CUBN: variants seen among roughly 807,000 people sequenced by gnomAD.
CUBN encodes the protein cubilin.
Under a neutral mutation model 405.3 loss-of-function variants are expected in CUBN, and 282 were observed. The observed-to-expected ratio is 0.70, with a 90% confidence interval of 0.63 to 0.77. The LOEUF is 0.77. Ranked by LOEUF, CUBN falls within the 30% of genes least tolerant of loss-of-function variation. The probability of loss-of-function intolerance (pLI) is 0.00; values close to 1 mark genes in which losing one functional copy is unlikely to be tolerated. For missense variants in CUBN, 4,514 were observed against 4,475.2 expected, an observed-to-expected ratio of 1.01 and a Z score of -0.25; for synonymous variants, 1,684 against 1,617.0, an observed-to-expected ratio of 1.04 and a Z score of -0.99.
chr10:17,125,146 T>A (rs1285413990), intron 4 of CUBN, among the ~76,000 whole-genome samples: 1 of 152,120 alleles, frequency 6.6e-6, no homozygotes, highest in Non-Finnish European at 1.5e-5. Context: ...TCTCTGCTTT[T>A]AAAAAGTTAA....
Position 17,038,077 on chromosome 10 carries a change from T to G in CUBN, c.4017+2956A>C, listed in dbSNP as rs1434982860. On this transcript the variant is annotated intron_variant, in intron 27 of 66. Coordinates refer to ENST00000377833, the MANE Select transcript of CUBN (RefSeq NM_001081.4). ...CCTCAGCCTCCTGAGTAGCTGAGAT[T>G]ATAGGCCTGAGCCACCGTGCCCAGC... is the stretch of plus-strand genomic sequence containing the variant. Among the ~76,000 whole-genome samples, 4 of 152,240 alleles carry G rather than the reference T, an allele frequency of 2.6e-5. No homozygotes were observed. In the East Asian group the frequency reaches 7.7e-4, roughly 29 times the overall value.
At chr10:17,010,349 T>C (rs978053042) in intron 28 of CUBN, among the ~76,000 whole-genome samples, 1 of 152,134 alleles carries the variant, frequency 6.6e-6, no homozygotes, top group Non-Finnish European at 1.5e-5. Context: ...AGGTTGAATC[T>C]ACCCACTTGG....
At chr10:16,941,935 C>A (rs1037640349) in intron 36 of CUBN, among the ~76,000 whole-genome samples, 31 of 151,912 alleles carry the variant, frequency 2.0e-4, no homozygotes, top group Non-Finnish European at 4.1e-4. Flanking sequence ...TAGCAAGGGA[C>A]TCAAAGTTGA....
At chr10:17,010,421 G>C (rs7898460) in intron 28 of CUBN, among the ~76,000 whole-genome samples, 14 of 151,302 alleles carry the variant, frequency 9.3e-5, no homozygotes, top group African/African-American at 3.4e-4. Context: ...CAGGAGGACT[G>C]CTTGAGCTCA....
At chr10:16,890,583 A>T in intron 54 of CUBN, 56 bp from the exon 55 acceptor site, 1 of 1,587,090 alleles carries the variant, frequency 6.3e-7, no homozygotes, top group Non-Finnish European at 8.6e-7. Flanking sequence ...CAATATTTTA[A>T]TGCACTTAGG....
At chr10:16,875,540 G>A (rs1840472728) in intron 57 of CUBN, among the ~76,000 whole-genome samples, 1 of 152,154 alleles carries the variant, frequency 6.6e-6, no homozygotes, top group Non-Finnish European at 1.5e-5. Flanking sequence ...CCACCTTGCA[G>A]GGAGCACTCT....
intron 21 of CUBN, among the ~76,000 whole-genome samples, chr10:17,066,906 C>T (rs374341673): frequency 3.5e-4 from 53 of 152,134 alleles, no homozygotes; most frequent in South Asian, 3.1e-3. Flanking sequence ...ACGTATAAAA[C>T]AATGGCTCTC....
chr10:17,048,538 C>T (rs1045198965), intron 22 of CUBN, among the ~76,000 whole-genome samples: 8 of 151,890 alleles, frequency 5.3e-5, no homozygotes, highest in East Asian at 1.9e-4. Flanking sequence ...AGTGGAGTGG[C>T]GGGATCTTGG....
At chr10:16,985,307 C>T (rs1833385857) in intron 29 of CUBN, among the ~76,000 whole-genome samples, 1 of 152,330 alleles carries the variant, frequency 6.6e-6, no homozygotes, top group South Asian at 2.1e-4. Context: ...GAAGGAGCAT[C>T]TGAACGTTGA....
At chr10:17,097,862 T>C (rs1186716572) in intron 14 of CUBN, among the ~76,000 whole-genome samples, 2 of 152,054 alleles carry the variant, frequency 1.3e-5, no homozygotes, top group African/African-American at 2.4e-5. Flanking sequence ...GAACAAAAGG[T>C]GTGGGTTTTT....
At chr10:16,862,164 A>T (rs868795540) in intron 59 of CUBN, among the ~76,000 whole-genome samples, 3 of 128,836 alleles carry the variant, frequency 2.3e-5, no homozygotes, top group South Asian at 2.2e-4. Flanking sequence ...TCTCTCTCAC[A>T]CACACACACA....
At chr10:16,935,675 C>A (rs142120414) in intron 39 of CUBN, among the ~76,000 whole-genome samples, 1 of 151,778 alleles carries the variant, frequency 6.6e-6, no homozygotes, top group African/African-American at 2.4e-5. Context: ...GTCAGGAGAT[C>A]GAGACCATCC....
At chr10:16,901,975 G>GTA (rs1289617706) in intron 51 of CUBN, among the ~76,000 whole-genome samples, 9 of 119,240 alleles carry the variant, frequency 7.5e-5, no homozygotes, top group Admixed American at 3.5e-4. Context: ...TATATAGTGT[G>GTA]TATATATATA....
At chr10:16,844,263 C>T (rs1306704478) in intron 60 of CUBN, among the ~76,000 whole-genome samples, 2 of 95,512 alleles carry the variant, frequency 2.1e-5, no homozygotes, top group Admixed American at 2.5e-4. Context: ...GAGCGAAACT[C>T]TGTCCCCAAA....
intron 6 of CUBN, among the ~76,000 whole-genome samples, chr10:17,119,462 C>A (rs1272107102): frequency 6.6e-6 from 1 of 152,114 alleles, no homozygotes; most frequent in Non-Finnish European, 1.5e-5. Flanking sequence ...GAGTTTGAGA[C>A]CAGCCTGGCC....
chr10:16,931,079 A>AC (rs1405934052), intron 40 of CUBN, among the ~76,000 whole-genome samples: 3 of 150,828 alleles, frequency 2.0e-5, no homozygotes, highest in Non-Finnish European at 3.0e-5. Context: ...ACACAGTGAA[A>AC]CCCCACCTCT....
At chr10:16,898,295 A>C (rs1206964065) in intron 54 of CUBN, among the ~76,000 whole-genome samples, 1 of 152,132 alleles carries the variant, frequency 6.6e-6, no homozygotes, top group Non-Finnish European at 1.5e-5. Flanking sequence ...TGAAGAAGGA[A>C]TCATGCTCTT....
intron 15 of CUBN, among the ~76,000 whole-genome samples, chr10:17,087,228 C>A (rs1836129724): frequency 6.6e-6 from 1 of 152,090 alleles, no homozygotes; most frequent in Admixed American, 6.5e-5. Context: ...AAATACAGGA[C>A]AACCTGGGAA....
intron 51 of CUBN, among the ~76,000 whole-genome samples, chr10:16,902,683 T>G (rs1177910528): frequency 6.6e-6 from 1 of 152,120 alleles, no homozygotes; most frequent in African/African-American, 2.4e-5. Context: ...TAAAACATAT[T>G]TTGATTCATA....
Sources: allele counts gnomAD v4.1 joint callset (sites outside exome capture counted in the v4.1 genomes callset), GRCh38; gene constraint gnomAD v4.1.1; transcripts MANE v1.5; gene names NCBI Gene and HGNC (gene_info 2026-07-23, HGNC 2026-07-21).